AGBL4: variants seen among roughly 807,000 people sequenced by gnomAD.
The protein encoded by AGBL4 is cytosolic carboxypeptidase 6.
A neutral mutation model predicts 66.4 loss-of-function variants in AGBL4; 58 were observed. That is an observed-to-expected ratio of 0.87 (90% CI 0.71 to 1.09). The LOEUF (loss-of-function observed/expected upper bound fraction) is 1.09. Among genes scored for constraint, AGBL4 ranks in the 50% least tolerant of loss-of-function variants. The pLI is 0.00. For synonymous variants in AGBL4, 234 were observed against 222.9 expected (o/e 1.05, Z -0.44); for missense variants, 579 against 631.0 (o/e 0.92, Z 0.88).
chr1:49,923,176 A>G (rs111263048), intron 1 of AGBL4, among the ~76,000 whole-genome samples: 7,466 of 152,214 alleles, frequency 0.049, 561 homozygotes, highest in African/African-American at 0.16. Flanking sequence ...ACAAACAACT[A>G]TCTGATCTTT....
chr1:50,001,449 ATG>A (rs1207313127), intron 1 of AGBL4, among the ~76,000 whole-genome samples: 2 of 149,880 alleles, frequency 1.3e-5, no homozygotes, highest in Admixed American at 1.3e-4. Flanking sequence ...GTGTCTGTAT[ATG>A]TGTGTGTGTC....
intron 1 of AGBL4, among the ~76,000 whole-genome samples, chr1:49,965,901 T>C (rs575225742): frequency 6.6e-6 from 1 of 151,814 alleles, no homozygotes; most frequent in Non-Finnish European, 1.5e-5. Context: ...AAAATAATAA[T>C]AATAATTCAA....
chr1:49,583,960 C>T (rs1244988648), intron 3 of AGBL4, among the ~76,000 whole-genome samples: 2 of 152,212 alleles, frequency 1.3e-5, no homozygotes, highest in Admixed American at 6.5e-5. Flanking sequence ...TCAGCACTCT[C>T]ACTAGATTCC....
At chr1:49,472,027 G>C (rs1157946374) in intron 3 of AGBL4, 1 of 152,046 alleles carries the variant, frequency 6.6e-6, no homozygotes, top group African/African-American at 2.4e-5. Context: ...CTCCTTGCTT[G>C]TGTAGTGTCA....
At chr1:49,950,121 C>T (rs1296952312) in intron 1 of AGBL4, among the ~76,000 whole-genome samples, 1 of 136,748 alleles carries the variant, frequency 7.3e-6, no homozygotes, top group African/African-American at 2.7e-5. Flanking sequence ...TGTATATACA[C>T]ATATGTGTAT....
At chr1:49,574,721 C>A (rs1346358639) in intron 3 of AGBL4, among the ~76,000 whole-genome samples, 1 of 152,008 alleles carries the variant, frequency 6.6e-6, no homozygotes, top group African/African-American at 2.4e-5. Flanking sequence ...TGGTACTCAA[C>A]CATCAAAGGC....
chr1:49,966,827 G>T (rs1190347236), intron 1 of AGBL4, among the ~76,000 whole-genome samples: 1 of 152,028 alleles, frequency 6.6e-6, no homozygotes, highest in Non-Finnish European at 1.5e-5. Flanking sequence ...TTCAGAAATG[G>T]AATTACTGAG....
Position 49,207,105 on chromosome 1 carries a change from CTTTTTTAAAAAAAGACTATTTAGAAATGG to C in AGBL4, c.377+38636_377+38664del, listed in dbSNP as rs1220843591. 6.6e-5 allele frequency among the ~76,000 whole-genome samples: 10 copies of C among 152,064 alleles called. No homozygotes were observed. In the East Asian group the frequency reaches 1.9e-3, roughly 29 times the overall value. On this transcript the variant is annotated intron_variant, in intron 4 of 13. Coordinates refer to ENST00000371839, the MANE Select transcript of AGBL4 (RefSeq NM_032785.4). ...ATTGTTATGTGATTAGGGCAAATAG[CTTTTTTAAAAAAAGACTATTTAGAAATGG>C]TCTCAGGAGGCTCTGGGCAGGAGCG... is the stretch of plus-strand genomic sequence containing the variant.
intron 4 of AGBL4, among the ~76,000 whole-genome samples, chr1:49,114,400 C>A (rs1645474296): frequency 6.6e-6 from 1 of 152,206 alleles, no homozygotes; most frequent in Non-Finnish European, 1.5e-5. Flanking sequence ...TAGGCTTTGG[C>A]TTAAGGAAAT....
At chr1:49,165,399 T>A (rs1300084030) in intron 4 of AGBL4, among the ~76,000 whole-genome samples, 1 of 152,156 alleles carries the variant, frequency 6.6e-6, no homozygotes, top group African/African-American at 2.4e-5. Flanking sequence ...CAGAGATACA[T>A]TTGTTAAGAG....
chr1:49,145,076 C>A (rs1054948374), intron 4 of AGBL4, among the ~76,000 whole-genome samples: 1 of 152,048 alleles, frequency 6.6e-6, no homozygotes, highest in African/African-American at 2.4e-5. Flanking sequence ...GAAACAATAG[C>A]AGCAAAAATG....
At chr1:49,592,257 C>G (rs919151080) in intron 3 of AGBL4, among the ~76,000 whole-genome samples, 1 of 152,070 alleles carries the variant, frequency 6.6e-6, no homozygotes, top group Non-Finnish European at 1.5e-5. Flanking sequence ...AAACAAACAA[C>G]TCTATTAAAA....
intron 3 of AGBL4, among the ~76,000 whole-genome samples, chr1:49,465,901 C>T (rs959255764): frequency 7.2e-5 from 11 of 151,778 alleles, no homozygotes; most frequent in Admixed American, 2.0e-4. Context: ...TTGAAGAAGG[C>T]GTCTTAAGGG....
chr1:48,993,383 C>G (rs1342186382), intron 5 of AGBL4, among the ~76,000 whole-genome samples: 1 of 152,176 alleles, frequency 6.6e-6, no homozygotes, highest in Non-Finnish European at 1.5e-5. Context: ...CTTCTGAACT[C>G]TTCTCTCTTC....
intron 6 of AGBL4, among the ~76,000 whole-genome samples, chr1:48,837,888 T>G (rs1040237228): frequency 1.3e-5 from 2 of 151,320 alleles, no homozygotes; most frequent in African/African-American, 4.9e-5. Context: ...TTATTTTAAG[T>G]GAAGGGAAGC....
intron 6 of AGBL4, among the ~76,000 whole-genome samples, chr1:48,773,900 AAGG>A (rs1398054740): frequency 2.6e-5 from 4 of 152,248 alleles, no homozygotes; most frequent in Non-Finnish European, 4.4e-5. Flanking sequence ...ATCAGGAAAG[AAGG>A]AGTTTTGTTT....
intron 6 of AGBL4, among the ~76,000 whole-genome samples, chr1:48,855,319 C>T (rs1647121526): frequency 6.6e-6 from 1 of 152,188 alleles, no homozygotes; most frequent in African/African-American, 2.4e-5. Flanking sequence ...ATAACGGCAT[C>T]TTTCATAGAT....
intron 6 of AGBL4, chr1:48,727,457 C>T (rs2291335): frequency 0.12 from 17,818 of 152,312 alleles, 1,237 homozygotes; most frequent in East Asian, 0.24. Context: ...CCAGGCGGCA[C>T]AACACTCTGG....
At chr1:48,552,062 T>G (rs1314536056) in intron 11 of AGBL4, among the ~76,000 whole-genome samples, 1 of 152,228 alleles carries the variant, frequency 6.6e-6, no homozygotes, top group Non-Finnish European at 1.5e-5. Flanking sequence ...TATTTATTTT[T>G]CATTCATTCA....
Sources: gnomAD v4.1 joint callset for allele counts (sites outside exome capture counted in the v4.1 genomes callset) on GRCh38, gnomAD v4.1.1 for gene constraint, MANE v1.5 for transcripts, NCBI Gene and HGNC (gene_info 2026-07-23, HGNC 2026-07-21) for gene names.